Variants in NRG3 observed in about 807,000 individuals in gnomAD.
NRG3 encodes the protein neuregulin 3.
Under a neutral mutation model 66.9 loss-of-function variants are expected in NRG3, and 31 were observed. That is an observed-to-expected ratio of 0.46 (90% confidence interval 0.35 to 0.63). The LOEUF (loss-of-function observed/expected upper bound fraction) is 0.63. NRG3 is among the 20% of genes least tolerant of loss of function. The probability of loss-of-function intolerance (pLI) is 0.00; values close to 1 mark genes in which losing one functional copy is unlikely to be tolerated. For missense variants in NRG3, 910 were observed against 878.9 expected (o/e 1.04, Z -0.45); for synonymous variants, 393 against 359.4 (o/e 1.09, Z -1.06).
intron 2 of NRG3, among the ~76,000 whole-genome samples, chr10:82,664,581 T>C (rs1182229504): frequency 6.6e-6 from 1 of 152,118 alleles, no homozygotes; most frequent in Non-Finnish European, 1.5e-5. Flanking sequence ...GTTAAGCAGC[T>C]TGGGGTTTAG....
chr10:81,959,396 A>C (rs1850138257), intron 1 of NRG3, among the ~76,000 whole-genome samples: 1 of 152,186 alleles, frequency 6.6e-6, no homozygotes, highest in Non-Finnish European at 1.5e-5. Context: ...CATATTAGAA[A>C]GCACCCTATA....
chr10:82,719,186 G>C (rs930003908), intron 2 of NRG3, among the ~76,000 whole-genome samples: 1 of 152,182 alleles, frequency 6.6e-6, no homozygotes, highest in Non-Finnish European at 1.5e-5. Flanking sequence ...GTGAGAGTGA[G>C]AGTGTTTGTG....
chr10:82,356,775 T>C (rs992097507), intron 1 of NRG3, among the ~76,000 whole-genome samples: 13 of 152,224 alleles, frequency 8.5e-5, no homozygotes, highest in African/African-American at 3.1e-4. Flanking sequence ...AAAAGTATAC[T>C]AAAATGATAA....
intron 4 of NRG3, among the ~76,000 whole-genome samples, chr10:82,943,899 A>C (rs1404035112): frequency 6.6e-6 from 1 of 152,238 alleles, no homozygotes; most frequent in East Asian, 1.9e-4. Context: ...CTTACTTGAT[A>C]TCATTCTCAT....
At chr10:82,824,400 G>T (rs1442207929) in intron 3 of NRG3, among the ~76,000 whole-genome samples, 1 of 152,160 alleles carries the variant, frequency 6.6e-6, no homozygotes, top group Non-Finnish European at 1.5e-5. Context: ...TGAAATTGCT[G>T]AGTTATATGG....
chr10:82,290,783 A>G (rs6584624), intron 1 of NRG3, among the ~76,000 whole-genome samples: 47,358 of 148,814 alleles, frequency 0.32, 7,693 homozygotes, highest in African/African-American at 0.37. Flanking sequence ...ACAGGCATCC[A>G]CCACCACGCC....
chr10:82,720,394 C>T (rs886760992), intron 2 of NRG3, among the ~76,000 whole-genome samples: 1 of 151,590 alleles, frequency 6.6e-6, no homozygotes, highest in Non-Finnish European at 1.5e-5. Context: ...AAAAACAAAA[C>T]TAACAAATTA....
chr10:81,897,609 G>C (rs1197062914), intron 1 of NRG3, among the ~76,000 whole-genome samples: 4 of 152,038 alleles, frequency 2.6e-5, no homozygotes, highest in Non-Finnish European at 5.9e-5. Flanking sequence ...ATTGGGTGGG[G>C]GGATGGGGCG....
chr10:82,842,045 G>T (rs2063079896), intron 3 of NRG3, among the ~76,000 whole-genome samples: 1 of 152,106 alleles, frequency 6.6e-6, no homozygotes, highest in African/African-American at 2.4e-5. Context: ...GAGGTCAGGA[G>T]TTTGAGACCA....
intron 2 of NRG3, among the ~76,000 whole-genome samples, chr10:82,475,003 A>C (rs981517394): frequency 2.0e-5 from 3 of 152,010 alleles, no homozygotes; most frequent in African/African-American, 7.2e-5. Flanking sequence ...GGAAGAAAAA[A>C]AACTTATCAA....
intron 1 of NRG3, among the ~76,000 whole-genome samples, chr10:82,344,876 C>T (rs61864205): frequency 0.092 from 8,364 of 91,058 alleles, 778 homozygotes; most frequent in African/African-American, 0.31. Context: ...GAGAAGTGTC[C>T]GTTCATGTCC....
intron 2 of NRG3, among the ~76,000 whole-genome samples, chr10:82,718,440 A>G (rs1173689952): frequency 6.6e-6 from 1 of 152,222 alleles, no homozygotes; most frequent in African/African-American, 2.4e-5. Flanking sequence ...TAGTATTGAC[A>G]TTAAAAGTTC....
intron 1 of NRG3, among the ~76,000 whole-genome samples, chr10:81,912,575 G>T (rs1440843596): frequency 6.6e-6 from 1 of 152,180 alleles, no homozygotes; most frequent in Admixed American, 6.5e-5. Flanking sequence ...ATTCTTTCAT[G>T]TTCTGGTGGG....
intron 4 of NRG3, among the ~76,000 whole-genome samples, chr10:82,941,104 T>C (rs1316196410): frequency 2.0e-5 from 3 of 152,122 alleles, no homozygotes; most frequent in African/African-American, 7.2e-5. Flanking sequence ...TCTCTGCACT[T>C]GGATGGTGGG....
intron 4 of NRG3, among the ~76,000 whole-genome samples, chr10:82,889,623 C>T (rs945709550): frequency 6.6e-6 from 1 of 152,156 alleles, no homozygotes; most frequent in Admixed American, 6.5e-5. Context: ...GAAACTTCAA[C>T]GTGAAACTAC....
intron 5 of NRG3, among the ~76,000 whole-genome samples, 192 bp from the exon 6 acceptor site, chr10:82,958,757 A>T (rs1261868296): frequency 6.6e-6 from 1 of 152,174 alleles, no homozygotes; most frequent in Non-Finnish European, 1.5e-5. Flanking sequence ...GAGAATATGG[A>T]TGATATCAGG....
At chr10:82,711,566 TGTGA>T (rs1333412912) in intron 2 of NRG3, among the ~76,000 whole-genome samples, 4 of 142,696 alleles carry the variant, frequency 2.8e-5, no homozygotes, top group East Asian at 2.0e-4. Flanking sequence ...TGTGTGTGTG[TGTGA>T]GATGGTGCAT....
At chr10:81,928,131 T>C (rs560218506) in intron 1 of NRG3, among the ~76,000 whole-genome samples, 3 of 152,366 alleles carry the variant, frequency 2.0e-5, no homozygotes, top group East Asian at 3.9e-4. Context: ...CTGTACTTAT[T>C]CTCACTTAAC....
chr10:82,060,499 G>A (rs1418854127), intron 1 of NRG3, among the ~76,000 whole-genome samples: 1 of 152,144 alleles, frequency 6.6e-6, no homozygotes, highest in East Asian at 1.9e-4. Context: ...GTTATGCATA[G>A]ATCAAAGATG....
Sources: gnomAD v4.1 joint callset for allele counts (sites outside exome capture counted in the v4.1 genomes callset) on GRCh38, gnomAD v4.1.1 for gene constraint, MANE v1.5 for transcripts, NCBI Gene and HGNC (gene_info 2026-07-23, HGNC 2026-07-21) for gene names.